XYLT1: variants seen among roughly 807,000 people sequenced by gnomAD.
XYLT1 encodes xylosyltransferase 1, also known as beta-D-xylosyltransferase 1.
A neutral mutation model predicts 91.3 loss-of-function variants in XYLT1; 36 were observed. The observed-to-expected ratio is 0.39, with a 90% CI of 0.30 to 0.52. XYLT1 has a LOEUF of 0.52. Ranked by LOEUF, XYLT1 falls within the 20% of genes least tolerant of loss-of-function variation. The pLI is 0.68. For synonymous variants in XYLT1, 588 were observed against 532.0 expected (o/e 1.11, Z -1.45); for missense variants, 1,242 against 1,284.5 (o/e 0.97, Z 0.51).
At chr16:17,171,337 A>G (rs1170668394) in intron 5 of XYLT1, among the ~76,000 whole-genome samples, 2 of 152,186 alleles carry the variant, frequency 1.3e-5, no homozygotes, top group Non-Finnish European at 2.9e-5. Context: ...AGTGTCACCA[A>G]GCATCTCATT....
In XYLT1 at chr16:17,103,272, A is replaced by G. The variant is rs912696661; in HGVS notation, c.*5423T>C. On this transcript the variant is annotated 3_prime_UTR_variant, in exon 12 of 12. Coordinates refer to ENST00000261381, the MANE Select transcript of XYLT1 (RefSeq NM_022166.4). ...GGAGGTCTGCAAAGCCTTTTCAAGCACTCTGCCGATAATTAAGCCAGCCCA... is the reference window on the plus strand; with the variant it reads ...GGAGGTCTGCAAAGCCTTTTCAAGCGCTCTGCCGATAATTAAGCCAGCCCA... The G allele has an allele frequency of 3.9e-5, 6 of 152,592 alleles. No homozygotes were observed. Among genetic ancestry groups the G allele is most frequent in the Admixed American group, 3.9e-4 (6 of 15,278 alleles). The allele number at this position is 152,592 out of a possible 1,614,324, so 9.5% of individuals were successfully genotyped here.
At chr16:17,165,444 T>C (rs4602026) in intron 5 of XYLT1, among the ~76,000 whole-genome samples, 66,690 of 151,740 alleles carry the variant, frequency 0.44, 17,014 homozygotes, top group East Asian at 0.67. Flanking sequence ...CTCAGCACTT[T>C]GGGAGGCCAA....
At chr16:17,232,583 G>T (rs1341575754) in intron 3 of XYLT1, among the ~76,000 whole-genome samples, 5 of 151,700 alleles carry the variant, frequency 3.3e-5, no homozygotes, top group Non-Finnish European at 5.9e-5. Context: ...TGGCGGTGGT[G>T]TTGGCAGTGA....
chr16:17,124,621 T>G (rs533711114), intron 10 of XYLT1, among the ~76,000 whole-genome samples: 2 of 152,364 alleles, frequency 1.3e-5, no homozygotes, highest in East Asian at 3.9e-4. Flanking sequence ...CAGGTGTTCT[T>G]TGAACTTCTT....
At chr16:17,143,541 C>T (rs924314608) in intron 6 of XYLT1, among the ~76,000 whole-genome samples, 2 of 152,116 alleles carry the variant, frequency 1.3e-5, no homozygotes, top group Non-Finnish European at 2.9e-5. Flanking sequence ...TGCTTCTCCA[C>T]ACCACCACAG....
chr16:17,128,884 G>A (rs766245321), intron 9 of XYLT1, among the ~76,000 whole-genome samples: 8 of 152,140 alleles, frequency 5.3e-5, no homozygotes, highest in Non-Finnish European at 1.2e-4. Context: ...TAAGGCGCTT[G>A]TGGGTCCTTC....
At chr16:17,170,882 C>T (rs756323785) in intron 5 of XYLT1, among the ~76,000 whole-genome samples, 1 of 152,150 alleles carries the variant, frequency 6.6e-6, no homozygotes, top group Non-Finnish European at 1.5e-5. Flanking sequence ...GGTTTGAGTC[C>T]TAGTTCTACT....
At chr16:17,241,650 G>A (rs72777771) in intron 3 of XYLT1, among the ~76,000 whole-genome samples, 319 of 152,360 alleles carry the variant, frequency 2.1e-3, no homozygotes, top group Non-Finnish European at 3.5e-3. Context: ...CAGCATTGAC[G>A]TTGGAACTGA....
intron 1 of XYLT1, among the ~76,000 whole-genome samples, chr16:17,393,976 C>T (rs1044218110): frequency 5.9e-5 from 9 of 151,964 alleles, no homozygotes; most frequent in Non-Finnish European, 1.3e-4. Context: ...GGAGTTTCAC[C>T]GTGTTAGCCA....
chr16:17,263,253 C>G (rs1256959831), intron 2 of XYLT1, among the ~76,000 whole-genome samples: 2 of 152,080 alleles, frequency 1.3e-5, no homozygotes, highest in Non-Finnish European at 2.9e-5. Flanking sequence ...CAAAACCAGA[C>G]AGAAAACACT....
At chr16:17,111,687 C>G (rs4583225) in intron 11 of XYLT1, among the ~76,000 whole-genome samples, 50,772 of 152,100 alleles carry the variant, frequency 0.33, 9,932 homozygotes, top group East Asian at 0.64. Flanking sequence ...TTGACTAACA[C>G]AGACAAGATC....
At chr16:17,243,993 G>A (rs2033393019) in intron 3 of XYLT1, among the ~76,000 whole-genome samples, 1 of 152,152 alleles carries the variant, frequency 6.6e-6, no homozygotes, top group Non-Finnish European at 1.5e-5. Flanking sequence ...AGGATGCTGA[G>A]CAGTATCCTT....
intron 3 of XYLT1, among the ~76,000 whole-genome samples, chr16:17,215,184 TG>T (rs1285676355): frequency 6.6e-6 from 1 of 152,216 alleles, no homozygotes; most frequent in African/African-American, 2.4e-5. Flanking sequence ...GGTAAAAACT[TG>T]TCTCTATTAA....
At chr16:17,160,177 C>G (rs74998954) in intron 5 of XYLT1, among the ~76,000 whole-genome samples, 1 of 152,318 alleles carries the variant, frequency 6.6e-6, no homozygotes, top group African/African-American at 2.4e-5. Flanking sequence ...TTTAACCTCA[C>G]TGAATGGCAG....
In XYLT1 at chr16:17,117,638, G is replaced by T. The variant is rs781175765; in HGVS notation, c.2557+8C>A. On this transcript the variant is annotated splice_region_variant and intron_variant, in intron 11 of 11. Coordinates refer to ENST00000261381, the MANE Select transcript of XYLT1 (RefSeq NM_022166.4). The stretch of plus-strand genomic sequence containing the variant: ...TATTTCTCCCACATAGACACTGGGA[G>T]TACTTACCAGGTTTGATGGGCTGCC... 5.6e-6 allele frequency: 9 copies of T among 1,608,272 alleles called. 1 individual carries two copies. The highest frequency in any genetic ancestry group is 2.2e-5 in the East Asian group (1 of 44,778).
intron 2 of XYLT1, among the ~76,000 whole-genome samples, chr16:17,326,584 G>A (rs1227823232): frequency 1.3e-5 from 2 of 151,920 alleles, no homozygotes; most frequent in Non-Finnish European, 1.5e-5. Context: ...AGCACTTTCG[G>A]AGGCCGAGGC....
At position 17,368,553 on chromosome 16, in the gene XYLT1, GGATA is replaced by G. The variant is rs201208406; in HGVS notation, c.364-10507_364-10504del. Among the ~76,000 whole-genome samples the G allele has an allele frequency of 9.5e-5, 12 of 126,826 alleles. 1 individual carries two copies. The highest frequency in any genetic ancestry group is 2.6e-4 in the South Asian group (1 of 3,780). The allele number at this position is 126,826 out of a possible 152,430, so 83.2% of individuals were successfully genotyped here. ...CTGTTCCCAGAAGGCCATAAAGACT[GGATA>G]GATAGATTTTTTTTTTTTTTTTGGT... On this transcript the variant is annotated intron_variant, in intron 1 of 11. Coordinates refer to ENST00000261381, the MANE Select transcript of XYLT1 (RefSeq NM_022166.4).
At chr16:17,461,460 A>C (rs1250199576) in intron 1 of XYLT1, among the ~76,000 whole-genome samples, 1 of 152,200 alleles carries the variant, frequency 6.6e-6, no homozygotes, top group Non-Finnish European at 1.5e-5. Flanking sequence ...CCTGTTCACC[A>C]AGGTGGTTCC....
rs560543838 is a variant in XYLT1 at position 17,295,439 on chromosome 16, T to C, written c.403-35941A>G. The stretch of plus-strand genomic sequence containing the variant: ...GGTACGATCTCGGCTCACTGCAACC[T>C]CCATCTCCCAGGTTCAAGCAATTCT... On this transcript the variant is annotated intron_variant, in intron 2 of 11. Coordinates refer to ENST00000261381, the MANE Select transcript of XYLT1 (RefSeq NM_022166.4). 2.0e-5 allele frequency among the ~76,000 whole-genome samples: 3 copies of C among 152,174 alleles called. No homozygotes were observed. In the South Asian group the frequency reaches 6.2e-4, roughly 32 times the overall value.
Sources: gnomAD v4.1 joint callset for allele counts (sites outside exome capture counted in the v4.1 genomes callset) on GRCh38, gnomAD v4.1.1 for gene constraint, MANE v1.5 for transcripts, NCBI Gene and HGNC (gene_info 2026-07-23, HGNC 2026-07-21) for gene names.